The following ARID5B variants were observed in gnomAD, a reference collection of about 807,000 sequenced individuals.
The protein encoded by ARID5B is AT-rich interaction domain 5B, also known as AT-rich interactive domain-containing protein 5B.
In ARID5B, 13 loss-of-function variants were observed where a neutral mutation model predicts 97.2. That is an observed-to-expected ratio of 0.13 (90% CI 0.09 to 0.21). The LOEUF (loss-of-function observed/expected upper bound fraction) is 0.21, where lower values mean the gene tolerates loss of function less well. ARID5B is among the 10% of genes least tolerant of loss of function. The pLI is 1.00. For synonymous variants in ARID5B, 556 were observed against 570.3 expected, an observed-to-expected ratio of 0.97 and a Z score of 0.36; for missense variants, 1,210 against 1,465.3, an observed-to-expected ratio of 0.83 and a Z score of 2.84.
chr10:61,989,795 A>T (rs537340760), intron 3 of ARID5B, among the ~76,000 whole-genome samples: 4 of 152,196 alleles, frequency 2.6e-5, no homozygotes, highest in Admixed American at 1.3e-4. Context: ...TTCTAATGCT[A>T]AGCTTCCTCT....
intron 3 of ARID5B, among the ~76,000 whole-genome samples, chr10:61,948,615 C>G (rs1364297304): frequency 6.6e-6 from 1 of 152,084 alleles, no homozygotes; most frequent in African/African-American, 2.4e-5. Flanking sequence ...ATCTGCCCAC[C>G]TTGGCCTACC....
At chr10:61,999,303 A>G (rs976149137) in intron 3 of ARID5B, among the ~76,000 whole-genome samples, 4 of 152,206 alleles carry the variant, frequency 2.6e-5, no homozygotes, top group Non-Finnish European at 4.4e-5. Context: ...TTGACTTTCT[A>G]TGGGGTTACA....
chr10:62,001,814 C>A (rs987467767), intron 4 of ARID5B, among the ~76,000 whole-genome samples: 2 of 152,164 alleles, frequency 1.3e-5, no homozygotes, highest in African/African-American at 4.8e-5. Context: ...GAGGGCAACA[C>A]TGTTTGTATT....
intron 2 of ARID5B, among the ~76,000 whole-genome samples, chr10:61,904,276 T>TG (rs1313435947): frequency 6.6e-6 from 1 of 152,078 alleles, no homozygotes; most frequent in Non-Finnish European, 1.5e-5. Context: ...CACTCTTTTT[T>TG]GGGGGGCGGG....
intron 2 of ARID5B, among the ~76,000 whole-genome samples, chr10:61,909,340 T>TC: frequency 6.8e-6 from 1 of 148,134 alleles, no homozygotes; most frequent in Non-Finnish European, 1.5e-5. Context: ...TTTTTTTTTT[T>TC]TTTGAGACGG....
At chr10:61,919,846 AG>A (rs1302151847) in intron 2 of ARID5B, among the ~76,000 whole-genome samples, 22 of 151,572 alleles carry the variant, frequency 1.5e-4, no homozygotes, top group Non-Finnish European at 2.5e-4. Context: ...AAAAGACTGA[AG>A]TTTTTTTTTT....
intron 2 of ARID5B, among the ~76,000 whole-genome samples, chr10:61,913,313 G>A (rs138592913): frequency 6.6e-6 from 1 of 152,212 alleles, no homozygotes; most frequent in African/African-American, 2.4e-5. Flanking sequence ...TGTTGATAAC[G>A]ATGGTCAAGA....
Position 62,000,313 on chromosome 10 carries a change from A to T in ARID5B, c.725A>T (p.Asp242Val). Residue 242 changes from aspartate to valine, a missense_variant, in exon 4 of 10, where the codon GAT (aspartate) becomes GTT (valine). Physicochemically the swap from Asp to Val is radical, Grantham distance 152. Coordinates refer to ENST00000279873, the MANE Select transcript of ARID5B (RefSeq NM_032199.3). The surrounding 1 kb of genome is among the most constrained non-coding windows in gnomAD (Gnocchi z 4.4). Reference protein sequence around the residue: ...PTLIENESICDEFAPNLKGRP... With the variant: ...PTLIENESICVEFAPNLKGRP... Reference sequence around the variant, plus strand: ...CTCATAGAAAACGAGAGTATATGCGATGAGTTTGGTGAGTCTTTTTTTTTT... The same window carrying T: ...CTCATAGAAAACGAGAGTATATGCGTTGAGTTTGGTGAGTCTTTTTTTTTT... The T allele has an allele frequency of 6.2e-7, 1 of 1,600,896 alleles. No homozygotes were observed. Among genetic ancestry groups the T allele is most frequent in the Non-Finnish European group, 8.5e-7 (1 of 1,172,834 alleles).
At chr10:61,925,020 C>T (rs1057459072) in intron 2 of ARID5B, among the ~76,000 whole-genome samples, 3 of 152,002 alleles carry the variant, frequency 2.0e-5, no homozygotes, top group African/African-American at 4.8e-5. Flanking sequence ...GCCTGGCCAA[C>T]ATTGTGAAAC....
In ARID5B at chr10:61,947,261, CTTTTTTTTTTTTTTT is replaced by C. The variant is rs199587188; in HGVS notation, c.502+6864_502+6878del. Reference sequence around the variant, plus strand: ...ACCAGTATATCTTCTCACTTACTTTCTTTTTTTTTTTTTTTTTTTTTTTTTGAGACAGGGTCTCAC... The same window carrying C: ...ACCAGTATATCTTCTCACTTACTTTCTTTTTTTTTTGAGACAGGGTCTCAC... On this transcript the variant is annotated intron_variant, in intron 3 of 9. Transcript: ENST00000279873. Among the ~76,000 whole-genome samples, 51 of 124,214 alleles carry C rather than the reference CTTTTTTTTTTTTTTT, an allele frequency of 4.1e-4. 1 individual carries two copies. Among genetic ancestry groups the C allele is most frequent in the African/African-American group, 1.0e-3 (33 of 33,140 alleles). The allele number at this position is 124,214 out of a possible 152,430, so 81.5% of individuals were successfully genotyped here.
chr10:61,904,053 T>G (rs796137803), intron 2 of ARID5B, among the ~76,000 whole-genome samples: 4 of 33,988 alleles, frequency 1.2e-4, no homozygotes, highest in East Asian at 2.4e-3. Context: ...CTCGGCCCCC[T>G]CCCCCGACCC....
chr10:62,073,885 A>G (rs1330848759), intron 8 of ARID5B, among the ~76,000 whole-genome samples: 1 of 152,114 alleles, frequency 6.6e-6, no homozygotes, highest in Non-Finnish European at 1.5e-5. Context: ...TAAGTGGAAC[A>G]TTTTCTTTCT....
intron 3 of ARID5B, among the ~76,000 whole-genome samples, chr10:61,971,786 T>C (rs1034774117): frequency 6.6e-6 from 1 of 152,250 alleles, no homozygotes; most frequent in African/African-American, 2.4e-5. Flanking sequence ...TAAACCTAAA[T>C]TGAATTTTTT....
chr10:62,063,388 A>G (rs182506435), intron 7 of ARID5B, among the ~76,000 whole-genome samples: 2 of 152,302 alleles, frequency 1.3e-5, no homozygotes, highest in African/African-American at 4.8e-5. Flanking sequence ...TTCTGGTTAT[A>G]AAAAGAGGCC....
chr10:61,958,619 A>G (rs1409279796), intron 3 of ARID5B, among the ~76,000 whole-genome samples: 1 of 152,232 alleles, frequency 6.6e-6, no homozygotes, highest in South Asian at 2.1e-4. Context: ...CTATTCTACC[A>G]GGATATTACT....
At chr10:61,927,841 G>A (rs1017051326) in intron 2 of ARID5B, among the ~76,000 whole-genome samples, 1 of 152,162 alleles carries the variant, frequency 6.6e-6, no homozygotes, top group Non-Finnish European at 1.5e-5. Flanking sequence ...TGAAAGAAAC[G>A]AGAAGGGATA....
intron 3 of ARID5B, among the ~76,000 whole-genome samples, chr10:61,960,634 C>G (rs879399996): frequency 1.3e-4 from 20 of 151,004 alleles, no homozygotes; most frequent in Admixed American, 1.3e-3. Flanking sequence ...TGAGTTGAAG[C>G]CCAAGATGAG....
chr10:62,066,849 A>G (rs1254309383), intron 7 of ARID5B, among the ~76,000 whole-genome samples: 4 of 152,118 alleles, frequency 2.6e-5, no homozygotes, highest in African/African-American at 9.7e-5. Flanking sequence ...CACAATTTAT[A>G]TTATTTTATT....
chr10:62,076,157 CATT>C, intron 8 of ARID5B, among the ~76,000 whole-genome samples: 2 of 152,252 alleles, frequency 1.3e-5, no homozygotes, highest in Middle Eastern at 3.4e-3. Flanking sequence ...CACCACGACT[CATT>C]AGAACTGGAA....
Sources: allele counts gnomAD v4.1 joint callset (sites outside exome capture counted in the v4.1 genomes callset), GRCh38; gene constraint gnomAD v4.1.1; non-coding constraint Gnocchi (gnomAD v3.1); transcripts MANE v1.5; gene names NCBI Gene and HGNC (gene_info 2026-07-23, HGNC 2026-07-21).